GNG2: variants seen among roughly 807,000 people sequenced by gnomAD.
The protein encoded by GNG2 is G protein subunit gamma 2.
In GNG2, 5 loss-of-function variants were observed where a neutral mutation model predicts 5.5. That is an observed-to-expected ratio of 0.91 (90% CI 0.48 to 1.92). The LOEUF (loss-of-function observed/expected upper bound fraction) is 1.92. Among genes scored for constraint, GNG2 ranks in the 30% most tolerant of loss-of-function variants. The pLI is 0.01. For synonymous variants in GNG2, 28 were observed against 32.0 expected, an observed-to-expected ratio of 0.88 and a Z score of 0.42; for missense variants, 55 against 88.4, an observed-to-expected ratio of 0.62 and a Z score of 1.52.
chr14:51,832,963 A>T (rs567854676), intron 2 of GNG2, among the ~76,000 whole-genome samples: 55 of 152,334 alleles, frequency 3.6e-4, no homozygotes, highest in African/African-American at 1.3e-3. Context: ...TAGGCCTACT[A>T]GACAAGGTCT....
intron 2 of GNG2, among the ~76,000 whole-genome samples, chr14:51,829,911 C>T (rs1323156091): frequency 3.3e-5 from 5 of 150,244 alleles, no homozygotes; most frequent in Admixed American, 3.3e-4. Context: ...GGCACGATCT[C>T]AGCTCCCTGC....
upstream of GNG2, among the ~76,000 whole-genome samples, chr14:51,858,310 T>C (rs1250539680): frequency 6.6e-6 from 1 of 152,164 alleles, no homozygotes; most frequent in Non-Finnish European, 1.5e-5. Flanking sequence ...GAAAGAGAGG[T>C]CTTAAAATCT....
chr14:51,934,092 G>A (rs913792872), intron 2 of GNG2, among the ~76,000 whole-genome samples: 1 of 152,212 alleles, frequency 6.6e-6, no homozygotes, highest in African/African-American at 2.4e-5. Context: ...CAGTATGATG[G>A]AGAAAGAGGC....
At chr14:51,914,957 G>C (rs186281935) in intron 2 of GNG2, among the ~76,000 whole-genome samples, 2 of 152,190 alleles carry the variant, frequency 1.3e-5, no homozygotes, top group African/African-American at 4.8e-5. Flanking sequence ...CTGTCATCAG[G>C]CAAGGCCAAA....
At chr14:51,913,983 A>G in intron 2 of GNG2, 1 of 489,396 alleles carries the variant, frequency 2.0e-6, no homozygotes, top group Non-Finnish European at 3.6e-6. Context: ...AACAATGGGA[A>G]GAATATCACT....
chr14:51,863,792 A>G (rs1014491922), intron 1 of GNG2, among the ~76,000 whole-genome samples: 2 of 152,192 alleles, frequency 1.3e-5, no homozygotes, highest in African/African-American at 4.8e-5. Context: ...TCCTTTTGTG[A>G]CTGGCTTAAT....
At chr14:51,961,381 G>T (rs1002097560) in intron 3 of GNG2, among the ~76,000 whole-genome samples, 12 of 152,158 alleles carry the variant, frequency 7.9e-5, no homozygotes, top group African/African-American at 2.9e-4. Context: ...TGAAATATCT[G>T]TCGAAGAAGA....
chr14:51,829,788 G>A lies in GNG2; in HGVS notation c.64+1981G>A, dbSNP rs528007282. ...CATCCACTGCTAAACCTAATGTTCA[G>A]TTCTCAGTGTTTATCATATTTGACC... On this transcript the variant is annotated intron_variant, in intron 2 of 3. Coordinates refer to the GNG2 transcript ENST00000553432. Among the ~76,000 whole-genome samples the A allele has an allele frequency of 4.8e-4, 72 of 151,198 alleles. 1 individual carries two copies. The highest frequency in any genetic ancestry group is 1.3e-3 in the South Asian group (6 of 4,762).
At chr14:51,963,414 C>A (rs1213952300) in intron 3 of GNG2, among the ~76,000 whole-genome samples, 2 of 152,190 alleles carry the variant, frequency 1.3e-5, no homozygotes, top group African/African-American at 4.8e-5. Flanking sequence ...TTAGATATCA[C>A]TGATTTACTG....
At chr14:51,944,440 C>T (rs1474730025) in intron 2 of GNG2, among the ~76,000 whole-genome samples, 1 of 152,210 alleles carries the variant, frequency 6.6e-6, no homozygotes, top group Non-Finnish European at 1.5e-5. Context: ...ACTCCACCTT[C>T]ATGACCTAAT....
intron 1 of GNG2, among the ~76,000 whole-genome samples, chr14:51,870,047 T>A (rs749013126): frequency 6.6e-6 from 1 of 152,158 alleles, no homozygotes; most frequent in Non-Finnish European, 1.5e-5. Context: ...AGGCAGTCAA[T>A]AGAGTTGGCC....
intron 2 of GNG2, among the ~76,000 whole-genome samples, chr14:51,834,896 T>A (rs548532709): frequency 6.6e-6 from 1 of 152,356 alleles, no homozygotes; most frequent in African/African-American, 2.4e-5. Context: ...ATTATATACC[T>A]GGTTTAAAGT....
chr14:51,856,870 T>C (rs1882185144), upstream of GNG2, among the ~76,000 whole-genome samples: 1 of 152,260 alleles, frequency 6.6e-6, no homozygotes, highest in Non-Finnish European at 1.5e-5. Flanking sequence ...TTTGTGTGCA[T>C]GTGCCATGGA....
intron 1 of GNG2, among the ~76,000 whole-genome samples, chr14:51,875,249 T>G (rs1194699219): frequency 6.6e-6 from 1 of 152,250 alleles, no homozygotes; most frequent in Non-Finnish European, 1.5e-5. Flanking sequence ...TCTCTTGCTT[T>G]CATTGTCTAA....
At chr14:51,861,951 G>A (rs1335428666) in intron 1 of GNG2, among the ~76,000 whole-genome samples, 1 of 152,172 alleles carries the variant, frequency 6.6e-6, no homozygotes, top group Non-Finnish European at 1.5e-5. Flanking sequence ...ACTGCTTATA[G>A]TGGAGTAAAA....
chr14:51,895,385 G>C (rs1261623961), intron 2 of GNG2, among the ~76,000 whole-genome samples: 1 of 152,144 alleles, frequency 6.6e-6, no homozygotes, highest in Non-Finnish European at 1.5e-5. Context: ...AACAATTTAA[G>C]GTAGACAATA....
upstream of GNG2, among the ~76,000 whole-genome samples, chr14:51,855,854 G>A (rs1882131594): frequency 6.6e-6 from 1 of 152,100 alleles, no homozygotes; most frequent in Non-Finnish European, 1.5e-5. Context: ...AGACAGGGAA[G>A]AAAAAGTAGG....
At chr14:51,946,610 G>A (rs1053783701) in intron 2 of GNG2, among the ~76,000 whole-genome samples, 6 of 151,994 alleles carry the variant, frequency 3.9e-5, no homozygotes, top group South Asian at 4.2e-4. Flanking sequence ...TTCCAGTTGC[G>A]GTCATCTTCC....
chr14:51,936,515 CT>C (rs35156219), intron 2 of GNG2, among the ~76,000 whole-genome samples: 8,017 of 140,654 alleles, frequency 0.057, 333 homozygotes, highest in East Asian at 0.14. Flanking sequence ...GGCACACTAA[CT>C]TTTTTTTTTT....
Sources: gnomAD v4.1 joint callset for allele counts (sites outside exome capture counted in the v4.1 genomes callset) on GRCh38, gnomAD v4.1.1 for gene constraint, MANE v1.5 for transcripts, NCBI Gene and HGNC (gene_info 2026-07-23, HGNC 2026-07-21) for gene names.